The following SYNE1 variants were observed in gnomAD, a reference collection of about 807,000 sequenced individuals.
SYNE1 encodes spectrin repeat containing nuclear envelope protein 1.
Under a neutral mutation model 1,111.0 loss-of-function variants are expected in SYNE1, and 616 were observed. That is an observed-to-expected ratio of 0.55 (90% CI 0.52 to 0.59). The LOEUF (loss-of-function observed/expected upper bound fraction) is 0.59. SYNE1 is among the 20% of genes least tolerant of loss of function. The pLI is 0.00. For synonymous variants in SYNE1, 3,855 were observed against 3,825.8 expected (o/e 1.01, Z -0.28); for missense variants, 10,006 against 10,417.0 (o/e 0.96, Z 1.72).
chr6:152,510,323 T>C lies in SYNE1; in HGVS notation c.451A>G (p.Ser151Gly). Residue 151 changes from serine (S) to glycine (G), a missense_variant, in exon 8 of 146, where the codon AGC (serine) becomes GGC (glycine). Physicochemically the swap from Ser to Gly is moderately conservative, Grantham distance 56 (BLOSUM62 0). Around this residue, in one of 7 missense-constraint regions of SYNE1, gnomAD observed 1,971 missense variants for 2,084.1 expected, o/e 0.95. Transcript: ENST00000367255. ...ACTATGCTGTCCACGGAGGATGCGC[T>C]GCTGGACAAAGACTGGAGCTGGGGC... ...NLPQLQSLSS[S>G]ASSVDSIVSS... is the part of the protein sequence containing the mutation. 3 of 1,614,122 alleles carry C rather than the reference T, an allele frequency of 1.9e-6. No homozygotes were observed. The highest frequency in any genetic ancestry group is 2.5e-6 in the Non-Finnish European group (3 of 1,179,982).
At chr6:152,187,922 C>T (rs908157694) in intron 128 of SYNE1, among the ~76,000 whole-genome samples, 25 of 152,190 alleles carry the variant, frequency 1.6e-4, no homozygotes, top group African/African-American at 5.5e-4. Context: ...GACAGGGTTT[C>T]ACCATGTTGG....
intron 3 of SYNE1, among the ~76,000 whole-genome samples, chr6:152,547,316 G>A (rs1363215188): frequency 1.3e-5 from 2 of 152,240 alleles, no homozygotes; most frequent in Non-Finnish European, 2.9e-5. Context: ...AATAGGGGAA[G>A]GAGATTGGAA....
chr6:152,241,071 C>T (rs2085517899), intron 107 of SYNE1, among the ~76,000 whole-genome samples: 1 of 152,192 alleles, frequency 6.6e-6, no homozygotes, highest in Non-Finnish European at 1.5e-5. Context: ...GGGCTGTCTG[C>T]TCAATGGCAG....
intron 31 of SYNE1, 80 bp downstream of exon 31, chr6:152,441,995 C>T: frequency 2.0e-6 from 3 of 1,529,690 alleles, no homozygotes; most frequent in East Asian, 2.2e-5. Context: ...AACAAAGGTT[C>T]GCCTTGGTGT....
intron 95 of SYNE1, among the ~76,000 whole-genome samples, chr6:152,286,059 T>C (rs1352629845): frequency 6.6e-6 from 1 of 152,234 alleles, no homozygotes; most frequent in Non-Finnish European, 1.5e-5. Flanking sequence ...GTAAGTGCAG[T>C]GCCTCCTCAG....
At chr6:152,582,395 CT>C (rs1286716133) in intron 3 of SYNE1, among the ~76,000 whole-genome samples, 1 of 152,018 alleles carries the variant, frequency 6.6e-6, no homozygotes, top group African/African-American at 2.4e-5. Flanking sequence ...CACTCACCCC[CT>C]AAAAGTATTC....
chr6:152,353,413 C>G lies in SYNE1; in HGVS notation c.11103G>C (p.Glu3701Asp), dbSNP rs1455773937. The change falls in exon 69 of 146, where the codon GAG becomes GAC. Residue 3701 changes from glutamate (E) to aspartate (D), a missense_variant. Physicochemically the swap from Glu to Asp is conservative, Grantham distance 45 (BLOSUM62 2). This residue lies in a region of SYNE1 where 4,955 missense variants were observed against 5,017.2 expected (regional missense o/e 0.99). Coordinates refer to ENST00000367255, the MANE Select transcript of SYNE1 (RefSeq NM_182961.4). The stretch of plus-strand genomic sequence containing the variant: ...ATTCCTCCAAACTCTGAATCTCCTC[C>G]TCCAGGAATTTTATTTGTTCCTATG... The part of the protein sequence containing the change: ...LQVLEQIKFL[E>D]EEIQSLEESE... 1.9e-6 allele frequency: 3 copies of G among 1,614,178 alleles called. No homozygotes were observed. In the South Asian group the frequency reaches 3.3e-5, roughly 18 times the overall value.
At position 152,567,386 on chromosome 6, in the gene SYNE1, C is replaced by T. The variant is rs554512809; in HGVS notation, c.68-27365G>A. On this transcript the variant is annotated intron_variant, in intron 3 of 145. Coordinates refer to ENST00000367255, the MANE Select transcript of SYNE1 (RefSeq NM_182961.4). ...TTTCCCATTATAATATAAAACTGTA[C>T]GTTATTTTGTTTTCCTAACCTACAC... Among the ~76,000 whole-genome samples, 41 of 152,064 alleles carry T rather than the reference C, an allele frequency of 2.7e-4. No individual in the cohort carries two copies. The South Asian group carries it at 5.4e-3, about 20-fold the overall frequency.
At chr6:152,295,200 T>C (rs978824379) in intron 93 of SYNE1, among the ~76,000 whole-genome samples, 1 of 152,226 alleles carries the variant, frequency 6.6e-6, no homozygotes, top group Non-Finnish European at 1.5e-5. Context: ...GGTCCAATCT[T>C]GGGTGGGATT....
At chr6:152,557,116 C>T (rs970876766) in intron 3 of SYNE1, among the ~76,000 whole-genome samples, 6 of 152,032 alleles carry the variant, frequency 3.9e-5, no homozygotes, top group Non-Finnish European at 7.4e-5. Flanking sequence ...AGAAACCATA[C>T]AAAAGAACAA....
chr6:152,550,087 A>G (rs902668201), intron 3 of SYNE1, among the ~76,000 whole-genome samples: 1 of 152,200 alleles, frequency 6.6e-6, no homozygotes, highest in Non-Finnish European at 1.5e-5. Context: ...TACACATTAG[A>G]TACTGGCAGT....
At chr6:152,299,614 C>T (rs1169726361) in intron 93 of SYNE1, among the ~76,000 whole-genome samples, 1 of 151,952 alleles carries the variant, frequency 6.6e-6, no homozygotes, top group Non-Finnish European at 1.5e-5. Context: ...GATAATTTCC[C>T]TAGAGCTATC....
rs745356330 is a variant in SYNE1, at chr6:152,231,476, T to G, written c.20954A>C (p.Lys6985Thr). The G allele has an allele frequency of 1.2e-6, 2 of 1,614,182 alleles. No individual in the cohort carries two copies. The highest frequency in any genetic ancestry group is 3.3e-5 in the Admixed American group (2 of 60,030). ...AGCAAAATCAGTCTTATCACTACGC[T>G]TACTTTCCACATCCTGACTGCTGAT... The part of the protein sequence containing the change: ...LQISSQDVES[K>T]RSDKTDFAEQ... The change falls in exon 114 of 146, where the codon AAG (lysine) becomes ACG (threonine). Residue 6985 changes from lysine to threonine, a missense_variant. Around this residue, in one of 7 missense-constraint regions of SYNE1, gnomAD observed 2,182 missense variants for 2,287.8 expected, o/e 0.95. Transcript: ENST00000367255.
At chr6:152,295,413 C>G (rs2094822681) in intron 93 of SYNE1, among the ~76,000 whole-genome samples, 1 of 152,118 alleles carries the variant, frequency 6.6e-6, no homozygotes. Flanking sequence ...TTGATCCTCA[C>G]TCACTCCCAC....
intron 74 of SYNE1, among the ~76,000 whole-genome samples, chr6:152,341,732 C>T (rs544247882): frequency 1.3e-5 from 2 of 152,308 alleles, no homozygotes; most frequent in African/African-American, 4.8e-5. Flanking sequence ...ACAGTAAGTC[C>T]TCATTTAATG....
chr6:152,124,538 A>G (rs1297990798), intron 145 of SYNE1, among the ~76,000 whole-genome samples: 1 of 152,200 alleles, frequency 6.6e-6, no homozygotes, highest in African/African-American at 2.4e-5. Flanking sequence ...ATGGTCTTCT[A>G]ACTTTAAAGT....
intron 104 of SYNE1, among the ~76,000 whole-genome samples, chr6:152,252,824 G>A (rs1436699334): frequency 8.5e-5 from 13 of 152,180 alleles, no homozygotes; most frequent in African/African-American, 2.4e-4. Flanking sequence ...AATAGAGAAC[G>A]TGATTTAAAG....
chr6:152,621,155 G>A (rs1485018626), intron 3 of SYNE1, among the ~76,000 whole-genome samples: 1 of 152,122 alleles, frequency 6.6e-6, no homozygotes, highest in African/African-American at 2.4e-5. Context: ...GACATCTTCC[G>A]AGCATGGAAA....
chr6:152,602,134 G>A (rs1187417095), intron 3 of SYNE1, among the ~76,000 whole-genome samples: 3 of 152,014 alleles, frequency 2.0e-5, no homozygotes, highest in Admixed American at 2.0e-4. Context: ...TATGGGTTAA[G>A]TTGTGCCACC....
Sources: gnomAD v4.1 joint callset for allele counts (sites outside exome capture counted in the v4.1 genomes callset) on GRCh38, gnomAD v4.1.1 for gene constraint, gnomAD v4.1.1 regional missense constraint, MANE v1.5 for transcripts, NCBI Gene and HGNC (gene_info 2026-07-23, HGNC 2026-07-21) for gene names.